The following EYA4 variants were observed in gnomAD, a reference collection of about 807,000 sequenced individuals.
EYA4 encodes protein phosphatase EYA4.
EYA4 carries 31 observed loss-of-function variants against 87.9 expected under a neutral mutation model. The ratio of observed to expected loss-of-function variants is 0.35; its 90% confidence interval spans 0.27 to 0.48. The LOEUF is 0.48. Among genes scored for constraint, EYA4 ranks in the 20% least tolerant of loss-of-function variants. EYA4 has a pLI of 0.99. For synonymous variants in EYA4, 263 were observed against 270.6 expected (o/e 0.97, Z 0.28); for missense variants, 678 against 761.4 (o/e 0.89, Z 1.29).
At chr6:133,264,156 G>C (rs550511073) in intron 1 of EYA4, among the ~76,000 whole-genome samples, 1 of 152,288 alleles carries the variant, frequency 6.6e-6, no homozygotes, top group East Asian at 1.9e-4. Context: ...AGAATGGCGA[G>C]AACAATGGAA....
At chr6:133,464,900 A>G in intron 10 of EYA4, 42 bp downstream of exon 10, 1 of 1,333,848 alleles carries the variant, frequency 7.5e-7, no homozygotes. Context: ...TATGTATTTC[A>G]GATTTTTGAA....
intron 5 of EYA4, among the ~76,000 whole-genome samples, chr6:133,449,973 T>C (rs962622905): frequency 6.6e-6 from 1 of 152,116 alleles, no homozygotes; most frequent in Non-Finnish European, 1.5e-5. Context: ...ATATGAAACT[T>C]TTAATGAATT....
At chr6:133,528,395 G>C (rs1800803407) in intron 19 of EYA4, among the ~76,000 whole-genome samples, 1 of 152,150 alleles carries the variant, frequency 6.6e-6, no homozygotes, top group African/African-American at 2.4e-5. Flanking sequence ...AGCCAGGTAG[G>C]ATTTTGATGC....
At chr6:133,395,063 C>A (rs1787667083) in intron 3 of EYA4, among the ~76,000 whole-genome samples, 2 of 152,092 alleles carry the variant, frequency 1.3e-5, no homozygotes, top group African/African-American at 2.4e-5. Context: ...ACAAAATGAT[C>A]CCATTTAAAA....
At chr6:133,466,258 G>T (rs1413408472) in intron 10 of EYA4, among the ~76,000 whole-genome samples, 1 of 152,172 alleles carries the variant, frequency 6.6e-6, no homozygotes, top group African/African-American at 2.4e-5. Flanking sequence ...ATTAAGAAAA[G>T]ATTTGTAAAG....
chr6:133,396,690 A>G (rs1787830642), intron 3 of EYA4, among the ~76,000 whole-genome samples: 1 of 152,182 alleles, frequency 6.6e-6, no homozygotes, highest in Admixed American at 6.5e-5. Context: ...GTATAGAGAA[A>G]AAATGAGGAG....
chr6:133,389,678 G>C (rs1328904915), intron 3 of EYA4, among the ~76,000 whole-genome samples: 1 of 152,044 alleles, frequency 6.6e-6, no homozygotes. Flanking sequence ...CTTTCCCCAG[G>C]GTCTTTCCTT....
At chr6:133,369,136 G>A (rs1452147307) in intron 2 of EYA4, among the ~76,000 whole-genome samples, 1 of 152,142 alleles carries the variant, frequency 6.6e-6, no homozygotes, top group African/African-American at 2.4e-5. Flanking sequence ...TTTAAGATCT[G>A]TTAAGACATT....
At chr6:133,490,828 G>T (rs1238516697) in intron 13 of EYA4, among the ~76,000 whole-genome samples, 3 of 152,026 alleles carry the variant, frequency 2.0e-5, no homozygotes, top group African/African-American at 7.2e-5. Context: ...AGAAACACTG[G>T]ACTTAATCTG....
chr6:133,391,906 C>G (rs1284901620), intron 3 of EYA4, among the ~76,000 whole-genome samples: 1 of 152,140 alleles, frequency 6.6e-6, no homozygotes, highest in Non-Finnish European at 1.5e-5. Flanking sequence ...CCTATATAAA[C>G]TAGCATATAT....
chr6:133,286,807 G>A (rs776597374), intron 2 of EYA4, among the ~76,000 whole-genome samples: 1 of 152,164 alleles, frequency 6.6e-6, no homozygotes, highest in African/African-American at 2.4e-5. Context: ...TAGATGTGAT[G>A]TTTCTAGGCA....
intron 3 of EYA4, among the ~76,000 whole-genome samples, chr6:133,419,416 T>C (rs985339929): frequency 2.0e-5 from 3 of 152,238 alleles, no homozygotes; most frequent in African/African-American, 7.2e-5. Flanking sequence ...TCTTGTCTGT[T>C]TGTCGTCACT....
intron 14 of EYA4, chr6:133,507,135 A>C (rs1385066580): frequency 6.6e-6 from 1 of 152,194 alleles, no homozygotes; most frequent in Non-Finnish European, 1.5e-5. Context: ...TTTATGTTGG[A>C]CTTTCCATTA....
chr6:133,243,649 A>G (rs1046971525), intron 1 of EYA4, among the ~76,000 whole-genome samples: 5 of 132,992 alleles, frequency 3.8e-5, no homozygotes, highest in Non-Finnish European at 7.8e-5. Flanking sequence ...AAGCAGAATC[A>G]GTGCCTTTTT....
intron 3 of EYA4, among the ~76,000 whole-genome samples, chr6:133,408,624 T>C (rs992369764): frequency 6.6e-6 from 1 of 152,216 alleles, no homozygotes; most frequent in East Asian, 1.9e-4. Flanking sequence ...AATCTCTTTG[T>C]GCCTTCTTGG....
intron 11 of EYA4, among the ~76,000 whole-genome samples, chr6:133,477,139 C>G (rs1795813645): frequency 6.6e-6 from 1 of 152,060 alleles, no homozygotes; most frequent in South Asian, 2.1e-4. Flanking sequence ...ACTGAGTCAG[C>G]TAAACCTCTT....
intron 2 of EYA4, among the ~76,000 whole-genome samples, chr6:133,375,431 C>T (rs942272545): frequency 3.3e-5 from 5 of 151,800 alleles, no homozygotes; most frequent in African/African-American, 9.7e-5. Context: ...TTGCCTATTT[C>T]ATTTATTACA....
chr6:133,245,425 A>G (rs1028546687), intron 1 of EYA4, among the ~76,000 whole-genome samples: 9 of 152,330 alleles, frequency 5.9e-5, no homozygotes, highest in African/African-American at 2.2e-4. Context: ...TCTTACATGT[A>G]CTAAATGCTA....
chr6:133,405,601 A>G (rs1451293702), intron 3 of EYA4, among the ~76,000 whole-genome samples: 12 of 152,194 alleles, frequency 7.9e-5, no homozygotes, highest in Admixed American at 5.2e-4. Flanking sequence ...TTGAATGTCA[A>G]TTATGTTCCA....
Sources: gnomAD v4.1 joint callset for allele counts (sites outside exome capture counted in the v4.1 genomes callset) on GRCh38, gnomAD v4.1.1 for gene constraint, MANE v1.5 for transcripts, NCBI Gene and HGNC (gene_info 2026-07-23, HGNC 2026-07-21) for gene names.